Variants in GRID2 observed in about 807,000 individuals in gnomAD.
GRID2 encodes glutamate ionotropic receptor delta type subunit 2, also known as glutamate receptor ionotropic, delta-2.
GRID2 carries 33 observed loss-of-function variants against 114.8 expected under a neutral mutation model. The observed-to-expected ratio is 0.29, with a 90% confidence interval of 0.22 to 0.38. The LOEUF (loss-of-function observed/expected upper bound fraction) is 0.38. Among genes scored for constraint, GRID2 ranks in the 10% least tolerant of loss-of-function variants. The pLI is 1.00. For missense variants in GRID2, 1,184 were observed against 1,257.7 expected (o/e 0.94, Z 0.89); for synonymous variants, 505 against 449.9 (o/e 1.12, Z -1.55).
chr4:93,388,311 C>G (rs546970667), intron 8 of GRID2, among the ~76,000 whole-genome samples: 2 of 152,266 alleles, frequency 1.3e-5, no homozygotes, highest in East Asian at 1.9e-4. Context: ...ACATTTGGCT[C>G]TACTTTGGAA....
At chr4:93,592,221 G>A (rs1738431253) in intron 13 of GRID2, among the ~76,000 whole-genome samples, 1 of 151,824 alleles carries the variant, frequency 6.6e-6, no homozygotes, top group Admixed American at 6.6e-5. Context: ...TCTACACACT[G>A]CTTTGAATGC....
At chr4:93,615,222 CT>C (rs1338664029) in intron 13 of GRID2, among the ~76,000 whole-genome samples, 1 of 152,174 alleles carries the variant, frequency 6.6e-6, no homozygotes, top group Non-Finnish European at 1.5e-5. Flanking sequence ...ATTCTACAAG[CT>C]TTCTTTTAAA....
chr4:93,422,696 C>G, intron 9 of GRID2, 75 bp from the exon 10 acceptor site: 1 of 903,532 alleles, frequency 1.1e-6, no homozygotes, highest in South Asian at 1.5e-5. Flanking sequence ...TTAATCAAAA[C>G]TCTTTAAAGA....
intron 2 of GRID2, among the ~76,000 whole-genome samples, chr4:92,845,067 C>T (rs1743207621): frequency 1.3e-5 from 2 of 151,978 alleles, no homozygotes; most frequent in African/African-American, 2.4e-5. Flanking sequence ...TACAAATGTG[C>T]GGACAAGGAG....
intron 13 of GRID2, among the ~76,000 whole-genome samples, chr4:93,618,774 AAGGAGAG>A (rs1165349069): frequency 6.6e-6 from 1 of 152,200 alleles, no homozygotes. Context: ...ACCCAGCCTG[AAGGAGAG>A]AATCACCAGT....
intron 2 of GRID2, among the ~76,000 whole-genome samples, chr4:92,626,627 C>T (rs1305836350): frequency 6.6e-6 from 1 of 151,816 alleles, no homozygotes; most frequent in Non-Finnish European, 1.5e-5. Flanking sequence ...GGAAATAAAC[C>T]TAGATTAAGT....
chr4:93,564,634 T>G (rs776162434), intron 13 of GRID2, among the ~76,000 whole-genome samples: 3 of 152,084 alleles, frequency 2.0e-5, no homozygotes, highest in Non-Finnish European at 4.4e-5. Context: ...GCATCTTCTC[T>G]TTATTTAACC....
At chr4:92,472,709 A>G (rs1335239606) in intron 1 of GRID2, among the ~76,000 whole-genome samples, 1 of 152,098 alleles carries the variant, frequency 6.6e-6, no homozygotes, top group Admixed American at 6.6e-5. Flanking sequence ...TGTGTTTGTC[A>G]TGCATTTTCC....
chr4:93,460,994 TCAATAAGTTTTGGAGCACAC>T (rs1011920689), intron 11 of GRID2, among the ~76,000 whole-genome samples: 9 of 152,128 alleles, frequency 5.9e-5, no homozygotes, highest in African/African-American at 2.2e-4. Context: ...TGACCAAATT[TCAATAAGTTTTGGAGCACAC>T]CCAGGAAAAA....
intron 13 of GRID2, among the ~76,000 whole-genome samples, chr4:93,545,525 C>T (rs1733127837): frequency 6.6e-6 from 1 of 152,140 alleles, no homozygotes; most frequent in Admixed American, 6.5e-5. Context: ...AGACAAGAAG[C>T]AGATCGTGAT....
intron 2 of GRID2, among the ~76,000 whole-genome samples, chr4:92,797,609 A>G (rs543262000): frequency 6.6e-6 from 1 of 151,978 alleles, no homozygotes; most frequent in African/African-American, 2.4e-5. Flanking sequence ...TTTTCAATAT[A>G]TTTTTGTATA....
At chr4:93,706,599 C>T (rs1455248176) in intron 14 of GRID2, among the ~76,000 whole-genome samples, 4 of 152,156 alleles carry the variant, frequency 2.6e-5, no homozygotes, top group East Asian at 3.9e-4. Flanking sequence ...TGTGTATCAC[C>T]TCTAATAGTT....
chr4:92,939,676 G>C (rs1164215700), intron 2 of GRID2, among the ~76,000 whole-genome samples: 1 of 146,782 alleles, frequency 6.8e-6, no homozygotes, highest in African/African-American at 2.4e-5. Flanking sequence ...CTAGGTTTTT[G>C]TCTAGGGTTT....
At chr4:92,764,913 T>G (rs1294890653) in intron 2 of GRID2, among the ~76,000 whole-genome samples, 1 of 152,190 alleles carries the variant, frequency 6.6e-6, no homozygotes, top group Non-Finnish European at 1.5e-5. Context: ...CTGGAAACAT[T>G]AAAATAAACA....
rs1417920869 is a variant in GRID2, at chr4:92,472,219, C to T, written c.89-117912C>T. Among the ~76,000 whole-genome samples, 6 of 60,876 alleles carry T rather than the reference C, an allele frequency of 9.9e-5. 1 individual carries two copies. The highest frequency in any genetic ancestry group is 2.0e-4 in the African/African-American group (2 of 10,236). 39.9% of individuals were successfully genotyped at this position (60,876 alleles called of 152,430 possible). On this transcript the variant is annotated intron_variant, in intron 1 of 15. Coordinates refer to ENST00000282020, the MANE Select transcript of GRID2 (RefSeq NM_001510.4). ...AAGTGCTGGGATTACAGGCGTGAGCCACCGCGCCCGGCCGTTATCCATATT... is the reference window on the plus strand; with the variant it reads ...AAGTGCTGGGATTACAGGCGTGAGCTACCGCGCCCGGCCGTTATCCATATT...
In GRID2 at chr4:93,450,023, T is replaced by C. The variant is rs1176623364; in HGVS notation, c.1546-5639T>C. Among the ~76,000 whole-genome samples the C allele has an allele frequency of 4.6e-5, 7 of 152,134 alleles. No individual in the cohort carries two copies. In the East Asian group the frequency reaches 1.4e-3, roughly 29 times the overall value. On this transcript the variant is annotated intron_variant, in intron 10 of 15. Coordinates refer to ENST00000282020, the MANE Select transcript of GRID2 (RefSeq NM_001510.4). ...TATTTTAAAAATATTTTTAAAATTT[T>C]ATTTGACCTTAAATTTAGCATAAGG...
intron 13 of GRID2, among the ~76,000 whole-genome samples, chr4:93,602,907 G>A (rs1274019870): frequency 2.0e-5 from 3 of 152,188 alleles, no homozygotes; most frequent in Non-Finnish European, 4.4e-5. Context: ...ATGAATGCAT[G>A]AATGATAAGA....
intron 8 of GRID2, among the ~76,000 whole-genome samples, chr4:93,282,144 A>G (rs567124429): frequency 1.3e-5 from 2 of 152,076 alleles, no homozygotes; most frequent in Admixed American, 6.6e-5. Context: ...ATTCTACTGT[A>G]TAGAGTAGGC....
At chr4:93,533,255 TTCCTTCCTTCCTTCCTTCCTTCC>T (rs1731647121) in intron 13 of GRID2, among the ~76,000 whole-genome samples, 1 of 20,298 alleles carries the variant, frequency 4.9e-5, no homozygotes, top group Non-Finnish European at 1.4e-4. Flanking sequence ...TCTTCCTTCC[TTCCTTCCTTCCTTCCTTCCTTCC>T]TTCCTTCCTT....
Sources: gnomAD v4.1 joint callset for allele counts (sites outside exome capture counted in the v4.1 genomes callset) on GRCh38, gnomAD v4.1.1 for gene constraint, MANE v1.5 for transcripts, NCBI Gene and HGNC (gene_info 2026-07-23, HGNC 2026-07-21) for gene names.